The following PRKCH variants were observed in gnomAD, a reference collection of about 807,000 sequenced individuals.
PRKCH encodes protein kinase C eta type.
Under a neutral mutation model 82.5 loss-of-function variants are expected in PRKCH, and 28 were observed. That is an observed-to-expected ratio of 0.34 (90% confidence interval 0.25 to 0.47). The LOEUF is 0.47. Ranked by LOEUF, PRKCH falls within the 20% of genes least tolerant of loss-of-function variation. The pLI, the probability that PRKCH is intolerant of heterozygous loss-of-function variation, is 1.00. For synonymous variants in PRKCH, 322 were observed against 327.4 expected (o/e 0.98, Z 0.18); for missense variants, 705 against 881.8 (o/e 0.80, Z 2.54).
intron 9 of PRKCH, among the ~76,000 whole-genome samples, chr14:61,484,890 T>A (rs1054000587): frequency 2.0e-5 from 3 of 151,566 alleles, no homozygotes; most frequent in South Asian, 4.2e-4. Context: ...TGCCTAATTT[T>A]TTTTTTATTT....
At chr14:61,478,042 C>T (rs1885806440) in intron 9 of PRKCH, among the ~76,000 whole-genome samples, 2 of 152,242 alleles carry the variant, frequency 1.3e-5, no homozygotes, top group South Asian at 2.1e-4. Flanking sequence ...CCTTCCTATG[C>T]CTCATGCATC....
chr14:61,289,338 C>T (rs1302578400), intron 1 of PRKCH, among the ~76,000 whole-genome samples: 2 of 152,202 alleles, frequency 1.3e-5, no homozygotes, highest in Non-Finnish European at 2.9e-5. Context: ...CTTCAGCATC[C>T]TTAAAAGGCA....
intron 12 of PRKCH, among the ~76,000 whole-genome samples, chr14:61,535,113 G>A (rs1379418266): frequency 1.3e-5 from 2 of 152,168 alleles, no homozygotes; most frequent in South Asian, 2.1e-4. Context: ...TAGGTGGGGT[G>A]TAAATAGCCA....
chr14:61,276,752 A>C (rs2045206328), intron 1 of PRKCH, among the ~76,000 whole-genome samples: 1 of 152,154 alleles, frequency 6.6e-6, no homozygotes, highest in Non-Finnish European at 1.5e-5. Context: ...TTAGAGAGTT[A>C]CTCAAGATTG....
At chr14:61,502,611 G>T (rs1344635744) in intron 10 of PRKCH, among the ~76,000 whole-genome samples, 1 of 152,112 alleles carries the variant, frequency 6.6e-6, no homozygotes. Flanking sequence ...GTTATAGAGT[G>T]CCTTCTGTTG....
intron 10 of PRKCH, chr14:61,528,126 A>G (rs2042992256): frequency 7.1e-6 from 1 of 140,244 alleles, no homozygotes; most frequent in African/African-American, 2.7e-5. Flanking sequence ...GTCTGTCTGT[A>G]TATGAAATAT....
intron 1 of PRKCH, among the ~76,000 whole-genome samples, chr14:61,224,582 G>A (rs995925752): frequency 6.6e-6 from 1 of 152,068 alleles, no homozygotes; most frequent in African/African-American, 2.4e-5. Context: ...CCTCCGTTGG[G>A]GTTTATCTGA....
chr14:61,461,231 C>G (rs3825654), intron 9 of PRKCH, among the ~76,000 whole-genome samples: 1 of 152,188 alleles, frequency 6.6e-6, no homozygotes, highest in South Asian at 2.1e-4. Flanking sequence ...CCCCACACTG[C>G]TCCCTGGAGT....
intron 9 of PRKCH, among the ~76,000 whole-genome samples, chr14:61,458,686 G>A (rs1229081057): frequency 2.6e-5 from 4 of 152,172 alleles, no homozygotes; most frequent in Non-Finnish European, 4.4e-5. Flanking sequence ...GCATGGCTGG[G>A]GAGGCCTCAA....
chr14:61,298,104 C>T (rs2045418615), intron 1 of PRKCH: 1 of 152,366 alleles, frequency 6.6e-6, no homozygotes, highest in Non-Finnish European at 1.5e-5. Flanking sequence ...TCCCCTTAAT[C>T]TCCAGCCTTC....
intron 2 of PRKCH, among the ~76,000 whole-genome samples, chr14:61,432,751 C>T (rs1883467450): frequency 6.6e-6 from 1 of 152,192 alleles, no homozygotes; most frequent in Non-Finnish European, 1.5e-5. Flanking sequence ...AGAAAGAATA[C>T]ATGACTTCCA....
chr14:61,385,821 G>A (rs1315159984), intron 1 of PRKCH, among the ~76,000 whole-genome samples: 3 of 152,120 alleles, frequency 2.0e-5, no homozygotes, highest in African/African-American at 7.2e-5. Flanking sequence ...GGTCTCCTTT[G>A]GGGACAGGGC....
chr14:61,356,707 A>G (rs576937050), intron 1 of PRKCH, among the ~76,000 whole-genome samples: 45 of 152,222 alleles, frequency 3.0e-4, no homozygotes, highest in Non-Finnish European at 5.4e-4. Flanking sequence ...TTTGAGATGG[A>G]GTCTCCTTCT....
At chr14:61,411,933 T>A (rs988856000) in intron 2 of PRKCH, among the ~76,000 whole-genome samples, 4 of 152,000 alleles carry the variant, frequency 2.6e-5, no homozygotes, top group African/African-American at 9.7e-5. Flanking sequence ...ACTTCAAGAG[T>A]CATGGAGCAT....
At chr14:61,237,998 G>T (rs905816572) in intron 1 of PRKCH, among the ~76,000 whole-genome samples, 7 of 152,218 alleles carry the variant, frequency 4.6e-5, no homozygotes, top group Admixed American at 2.0e-4. Context: ...TGAAGAGTTG[G>T]CTGCCTGTGA....
At chr14:61,449,097 A>C (rs1204522869) in intron 4 of PRKCH, 67 bp from the exon 5 acceptor site, 1 of 1,454,636 alleles carries the variant, frequency 6.9e-7, no homozygotes, top group African/African-American at 1.4e-5. Flanking sequence ...GCCCTGGTTG[A>C]CTCTGCTGTA....
intron 12 of PRKCH, among the ~76,000 whole-genome samples, chr14:61,532,303 A>G (rs926151908): frequency 6.6e-6 from 1 of 152,224 alleles, no homozygotes; most frequent in Non-Finnish European, 1.5e-5. Flanking sequence ...TAGGCTTGGT[A>G]CCATGAAGGG....
At chr14:61,244,704 C>A (rs762178497) in intron 1 of PRKCH, among the ~76,000 whole-genome samples, 5 of 152,278 alleles carry the variant, frequency 3.3e-5, no homozygotes, top group Non-Finnish European at 7.3e-5. Context: ...GGTAGTCAAC[C>A]TTTTCCTGTA....
intron 10 of PRKCH, among the ~76,000 whole-genome samples, chr14:61,491,560 A>G (rs1886449636): frequency 6.6e-6 from 1 of 152,146 alleles, no homozygotes; most frequent in African/African-American, 2.4e-5. Context: ...TCATTCAGTG[A>G]CTGCTCTTCA....
Sources: allele counts gnomAD v4.1 joint callset (sites outside exome capture counted in the v4.1 genomes callset), GRCh38; gene constraint gnomAD v4.1.1; transcripts MANE v1.5; gene names NCBI Gene and HGNC (gene_info 2026-07-23, HGNC 2026-07-21).